Variants in HYCC1 observed in about 807,000 individuals in gnomAD.
HYCC1 encodes the protein hyccin.
At chr7:22,913,859 C>G in the HYCC1 span, among the ~76,000 whole-genome samples, 1 of 152,226 alleles carries the variant, frequency 6.6e-6, no homozygotes, top group Non-Finnish European at 1.5e-5. Flanking sequence ...GACAGGAGGA[C>G]TCCTTTGGGA....
At chr7:22,964,412 T>G in the HYCC1 span, 1 of 1,530,382 alleles carries the variant, frequency 6.5e-7, no homozygotes, top group Admixed American at 1.7e-5. Flanking sequence ...ATGAGATACT[T>G]ACAAGGCAAA....
At chr7:22,991,195 T>A in the HYCC1 span, 1 of 1,167,556 alleles carries the variant, frequency 8.6e-7, no homozygotes, top group South Asian at 1.2e-5. Context: ...TTTAGTCAGA[T>A]TACTATGAAC....
the HYCC1 span, among the ~76,000 whole-genome samples, chr7:22,908,507 C>T: frequency 2.0e-5 from 3 of 152,158 alleles, no homozygotes; most frequent in African/African-American, 7.2e-5. Context: ...ACCACATTCT[C>T]CAAATAGAGC....
At chr7:22,935,327 A>G in the HYCC1 span, 1 of 152,114 alleles carries the variant, frequency 6.6e-6, no homozygotes, top group Non-Finnish European at 1.5e-5. Context: ...TTTGTTTATT[A>G]CCAAGCACTT....
At chr7:22,927,556 C>A in the HYCC1 span, among the ~76,000 whole-genome samples, 19 of 152,186 alleles carry the variant, frequency 1.2e-4, no homozygotes. Flanking sequence ...ACTATAAACA[C>A]CTCTACGCAA....
the HYCC1 span, chr7:22,945,783 T>C: frequency 6.2e-7 from 1 of 1,613,802 alleles, no homozygotes; most frequent in South Asian, 1.1e-5. Flanking sequence ...GTGACACCAC[T>C]GACTTGTTCA....
chr7:22,965,471 A>G, the HYCC1 span, among the ~76,000 whole-genome samples: 2 of 151,700 alleles, frequency 1.3e-5, no homozygotes, highest in Admixed American at 1.3e-4. Context: ...CATAAACAAA[A>G]TGACATGTAA....
At chr7:23,003,345 G>A in the HYCC1 span, among the ~76,000 whole-genome samples, 2 of 151,562 alleles carry the variant, frequency 1.3e-5, no homozygotes, top group Non-Finnish European at 2.9e-5. Flanking sequence ...TATTAGGAGA[G>A]ACAAATAAAC....
At chr7:22,918,082 C>T in the HYCC1 span, among the ~76,000 whole-genome samples, 2 of 152,032 alleles carry the variant, frequency 1.3e-5, no homozygotes, top group Non-Finnish European at 2.9e-5. Context: ...GTTGTTTTTA[C>T]CTAAAATCAA....
the HYCC1 span, among the ~76,000 whole-genome samples, chr7:22,930,273 C>T: frequency 3.4e-5 from 5 of 146,742 alleles, no homozygotes; most frequent in Non-Finnish European, 7.4e-5. Flanking sequence ...AGCACACCAA[C>T]ATGGCACATG....
the HYCC1 span, among the ~76,000 whole-genome samples, chr7:22,970,461 TTCCTGACC>T: frequency 6.6e-6 from 1 of 152,150 alleles, no homozygotes; most frequent in Non-Finnish European, 1.5e-5. Context: ...GAACAAAAAG[TTCCTGACC>T]TCTTGAAGTT....
At chr7:22,957,302 GA>G in the HYCC1 span, among the ~76,000 whole-genome samples, 138,726 of 142,036 alleles carry the variant, frequency 0.98, 67,785 homozygotes, top group South Asian at 1. Context: ...AAGGGAGATG[GA>G]AAAAAAAAAA....
the HYCC1 span, among the ~76,000 whole-genome samples, chr7:22,972,992 C>T: frequency 3.9e-5 from 6 of 152,164 alleles, no homozygotes; most frequent in Non-Finnish European, 5.9e-5. Flanking sequence ...TCATCTATCC[C>T]ATGAATTTTT....
the HYCC1 span, among the ~76,000 whole-genome samples, chr7:23,010,171 C>A: frequency 3.4e-4 from 52 of 152,280 alleles, no homozygotes; most frequent in Admixed American, 1.7e-3. Flanking sequence ...ATGATGATAA[C>A]AAAGAAATAT....
the HYCC1 span, among the ~76,000 whole-genome samples, chr7:22,913,668 A>G: frequency 1.3e-5 from 2 of 152,152 alleles, no homozygotes; most frequent in South Asian, 4.1e-4. Context: ...CTTTTACTGT[A>G]ATTTTCCACT....
chr7:23,002,139 T>TAC, the HYCC1 span, among the ~76,000 whole-genome samples: 2 of 8,460 alleles, frequency 2.4e-4, no homozygotes, highest in African/African-American at 1.3e-3. Flanking sequence ...AAAAATTGTA[T>TAC]ATATATATAT....
At chr7:22,952,031 C>T in the HYCC1 span, among the ~76,000 whole-genome samples, 1 of 151,902 alleles carries the variant, frequency 6.6e-6, no homozygotes, top group Non-Finnish European at 1.5e-5. Context: ...TTATACATTT[C>T]TTTATCATTC....
At chr7:22,937,335 T>G in the HYCC1 span, 1 of 152,186 alleles carries the variant, frequency 6.6e-6, no homozygotes, top group East Asian at 1.9e-4. Flanking sequence ...GAATTCAGTG[T>G]TGAAGTTAGG....
the HYCC1 span, chr7:22,961,421 A>G: frequency 1.4e-6 from 1 of 701,262 alleles, no homozygotes; most frequent in South Asian, 1.8e-5. Flanking sequence ...AAAAGATCAT[A>G]TTAGCACATT....
Sources: gnomAD v4.1 joint callset for allele counts (sites outside exome capture counted in the v4.1 genomes callset) on GRCh38, gnomAD v4.1.1 for gene constraint, MANE v1.5 for transcripts, NCBI Gene and HGNC (gene_info 2026-07-23, HGNC 2026-07-21) for gene names.